Variants in GBE1 observed in about 807,000 individuals in gnomAD.
The protein encoded by GBE1 is 1,4-alpha-glucan-branching enzyme.
A neutral mutation model predicts 88.8 loss-of-function variants in GBE1; 70 were observed. That is an observed-to-expected ratio of 0.79 (90% CI 0.65 to 0.96). The LOEUF is 0.96. Among genes scored for constraint, GBE1 ranks in the 40% least tolerant of loss-of-function variants. The pLI is 0.00. For synonymous variants in GBE1, 284 were observed against 300.1 expected, an observed-to-expected ratio of 0.95 and a Z score of 0.56; for missense variants, 872 against 871.0, an observed-to-expected ratio of 1.00 and a Z score of -0.01.
chr3:81,490,459 T>C lies in GBE1; in HGVS notation c.2057A>G (p.Tyr686Cys), dbSNP rs753675916. The change falls in exon 16 of 16, where the codon TAC becomes TGC. Residue 686 changes from tyrosine (Y) to cysteine (C), a missense_variant. By Grantham distance (194) the Tyr-to-Cys change is radical. Coordinates refer to ENST00000429644, the MANE Select transcript of GBE1 (RefSeq NM_000158.4). ...HNGRPYSLLV[Y>C]IPSRVALILQ... ...GATGAGGGCCACTCTGCTTGGAATG[T>C]ACACCTACGTCAAAACAATTATGTC... 1.9e-6 allele frequency: 3 copies of C among 1,612,322 alleles called. No homozygotes were observed. The highest frequency in any genetic ancestry group is 1.7e-5 in the Admixed American group (1 of 59,892).
chr3:81,636,984 C>T (rs1220278182), intron 7 of GBE1, among the ~76,000 whole-genome samples: 1 of 152,076 alleles, frequency 6.6e-6, no homozygotes, highest in Admixed American at 6.6e-5. Context: ...GAGATACAGT[C>T]CAAGACTGCC....
intron 1 of GBE1, among the ~76,000 whole-genome samples, chr3:81,707,142 G>A (rs2107171032): frequency 6.6e-6 from 1 of 152,074 alleles, no homozygotes; most frequent in East Asian, 1.9e-4. Context: ...TTTAAGAAAG[G>A]TTTGGGAAAC....
chr3:81,662,500 A>G (rs935891361), intron 3 of GBE1, among the ~76,000 whole-genome samples: 31 of 152,252 alleles, frequency 2.0e-4, no homozygotes, highest in African/African-American at 7.2e-4. Context: ...TACTTATGAA[A>G]AAGTTTCCAC....
At chr3:81,582,702 T>A (rs1703750736) in intron 10 of GBE1, among the ~76,000 whole-genome samples, 1 of 152,020 alleles carries the variant, frequency 6.6e-6, no homozygotes, top group Non-Finnish European at 1.5e-5. Flanking sequence ...AAGAGAACGA[T>A]AAAGAACCTT....
chr3:81,714,510 A>C (rs1705914707), intron 1 of GBE1, among the ~76,000 whole-genome samples: 2 of 152,214 alleles, frequency 1.3e-5, no homozygotes, highest in Admixed American at 1.3e-4. Context: ...TGAGATAAAC[A>C]GAAAAATTAA....
chr3:81,754,517 A>G (rs1706576112), intron 1 of GBE1, among the ~76,000 whole-genome samples: 1 of 151,208 alleles, frequency 6.6e-6, no homozygotes, highest in Non-Finnish European at 1.5e-5. Context: ...ATCTTAGCAA[A>G]AAAAAAAAAA....
At position 81,743,433 on chromosome 3, in the gene GBE1, A is replaced by AAC. The variant is rs1162464277; in HGVS notation, c.143+17940_143+17941dup. 52 of 662,004 alleles carry AAC rather than the reference A, an allele frequency of 7.9e-5. 1 individual carries two copies. In the South Asian group the frequency reaches 8.9e-4, roughly 11 times the overall value. The allele number at this position is 662,004 out of a possible 1,614,324, so 41.0% of individuals were successfully genotyped here. A position where few individuals can be genotyped will look rare whatever the true frequency, so the allele number is the denominator to read the frequency against. ...GACACAAGGCACACACACAATCATGAACACACATACACCCCCACAATATTA... is the reference window on the plus strand; with the variant it reads ...GACACAAGGCACACACACAATCATGAACACACACATACACCCCCACAATATTA... On this transcript the variant is annotated intron_variant, in intron 1 of 15. Coordinates refer to ENST00000429644, the MANE Select transcript of GBE1 (RefSeq NM_000158.4).
Position 81,587,866 on chromosome 3 carries a change from T to C in GBE1, c.1237-1676A>G, listed in dbSNP as rs1056107782. Among the ~76,000 whole-genome samples the C allele has an allele frequency of 2.6e-5, 4 of 152,194 alleles. No individual in the cohort carries two copies. The South Asian group carries it at 6.2e-4, about 24-fold the overall frequency. On this transcript the variant is annotated intron_variant, in intron 9 of 15. Transcript: ENST00000429644. ...AAATGACCATGTGATGTAGTTGTGA[T>C]CATTAACTAAAGTGCACAGAAAGTG...
chr3:81,596,885 C>T (rs1030665672), intron 7 of GBE1, among the ~76,000 whole-genome samples: 1 of 151,904 alleles, frequency 6.6e-6, no homozygotes, highest in Non-Finnish European at 1.5e-5. Flanking sequence ...ATAGAGCAAG[C>T]TTAAAGAATA....
At chr3:81,640,050 A>G (rs955972796) in intron 7 of GBE1, among the ~76,000 whole-genome samples, 10 of 152,234 alleles carry the variant, frequency 6.6e-5, no homozygotes, top group Admixed American at 6.5e-4. Flanking sequence ...TTTGATCATG[A>G]TTGCTAAGAA....
chr3:81,614,852 T>C (rs539916067), intron 7 of GBE1, among the ~76,000 whole-genome samples: 230 of 151,790 alleles, frequency 1.5e-3, no homozygotes, highest in African/African-American at 5.3e-3. Context: ...CAGAGTGACA[T>C]TCCATCTCAA....
chr3:81,742,820 C>T (rs1353942429), intron 1 of GBE1, among the ~76,000 whole-genome samples: 1 of 152,138 alleles, frequency 6.6e-6, no homozygotes, highest in Non-Finnish European at 1.5e-5. Flanking sequence ...AAATTACAAT[C>T]TTCTTCATGA....
chr3:81,546,234 AAACT>A (rs1559640742), intron 12 of GBE1, among the ~76,000 whole-genome samples: 1 of 151,638 alleles, frequency 6.6e-6, no homozygotes, highest in Non-Finnish European at 1.5e-5. Context: ...ACACACACAC[AAACT>A]CACACACACA....
chr3:81,643,509 G>A (rs1228738732), intron 6 of GBE1, among the ~76,000 whole-genome samples: 1 of 152,056 alleles, frequency 6.6e-6, no homozygotes, highest in African/African-American at 2.4e-5. Flanking sequence ...AAATAAGATG[G>A]GTAGCTCACA....
At chr3:81,539,760 A>G (rs1406255137) in intron 12 of GBE1, among the ~76,000 whole-genome samples, 1 of 152,038 alleles carries the variant, frequency 6.6e-6, no homozygotes, top group Non-Finnish European at 1.5e-5. Context: ...GACAGTGTTA[A>G]CTACACTAGA....
At chr3:81,496,563 G>A (rs932227520) in intron 15 of GBE1, among the ~76,000 whole-genome samples, 1 of 152,176 alleles carries the variant, frequency 6.6e-6, no homozygotes, top group Non-Finnish European at 1.5e-5. Context: ...AGTATGGGAG[G>A]TATGAGTGAT....
intron 12 of GBE1, among the ~76,000 whole-genome samples, chr3:81,549,366 A>C (rs1576144395): frequency 6.6e-6 from 1 of 151,678 alleles, no homozygotes; most frequent in Middle Eastern, 3.4e-3. Context: ...TATTTGCATA[A>C]GTGCAATAAG....
In GBE1 at chr3:81,569,610, T is replaced by C. The variant is rs553041341; in HGVS notation, c.1618+8315A>G. ...CCAAAGAACCTGGGGAATGTGCTTG[T>C]TATTCTGGCCATCCATGTACCCAGT... On this transcript the variant is annotated intron_variant, in intron 12 of 15. Coordinates refer to ENST00000429644, the MANE Select transcript of GBE1 (RefSeq NM_000158.4). 3.3e-5 allele frequency among the ~76,000 whole-genome samples: 5 copies of C among 152,302 alleles called. No individual in the cohort carries two copies. The South Asian group carries it at 6.2e-4, about 19-fold the overall frequency.
rs1576128117 is a variant in GBE1 at position 81,515,286 on chromosome 3, A to T, written c.1935-16059T>A. Among the ~76,000 whole-genome samples, 3 of 151,300 alleles carry T rather than the reference A, an allele frequency of 2.0e-5. No individual in the cohort carries two copies. The East Asian group carries it at 5.8e-4, about 29-fold the overall frequency. The stretch of plus-strand genomic sequence containing the variant: ...ATTATTTCAAACTTTTTCATTATTA[A>T]TATATATTAATATATGATTGTCTAT... On this transcript the variant is annotated intron_variant, in intron 14 of 15. Transcript: ENST00000429644.
Sources: allele counts gnomAD v4.1 joint callset (sites outside exome capture counted in the v4.1 genomes callset), GRCh38; gene constraint gnomAD v4.1.1; transcripts MANE v1.5; gene names NCBI Gene and HGNC (gene_info 2026-07-23, HGNC 2026-07-21).